The following ASNSD1 variants were observed in gnomAD, a reference collection of about 807,000 sequenced individuals.
ASNSD1 encodes asparagine synthetase domain containing 1.
A neutral mutation model predicts 48.3 loss-of-function variants in ASNSD1; 36 were observed. The observed-to-expected ratio is 0.75, with a 90% confidence interval of 0.57 to 0.99. ASNSD1 has a LOEUF of 0.99. Among genes scored for constraint, ASNSD1 ranks in the 50% least tolerant of loss-of-function variants. The pLI, the probability that ASNSD1 is intolerant of heterozygous loss-of-function variation, is 0.00. For synonymous variants in ASNSD1, 257 were observed against 262.1 expected, an observed-to-expected ratio of 0.98 and a Z score of 0.19; for missense variants, 714 against 758.2, an observed-to-expected ratio of 0.94 and a Z score of 0.69.
At chr2:189,668,030 T>G in intron 5 of ASNSD1, 85 bp downstream of exon 5, 1 of 1,292,326 alleles carries the variant, frequency 7.7e-7, no homozygotes, top group Non-Finnish European at 1.1e-6. Context: ...TGTTTTCTCT[T>G]TGGAGACTGT....
chr2:189,665,644 A>ATATATATATATATATATG (rs1455945789), intron 3 of ASNSD1, among the ~76,000 whole-genome samples, 193 bp downstream of exon 3: 7 of 123,748 alleles, frequency 5.7e-5, no homozygotes, highest in Admixed American at 2.4e-4. Flanking sequence ...ATATATATAT[A>ATATATATATATATATATG]TATTATAAAT....
Position 189,667,260 on chromosome 2 carries a change from TA to T in ASNSD1, c.1131del (p.Lys377AsnfsTer37), listed in dbSNP as rs1247942676. On this transcript the variant is annotated frameshift_variant, in exon 4 of 6. Coordinates refer to ENST00000260952, the MANE Select transcript of ASNSD1 (RefSeq NM_019048.4). LOFTEE classifies it high-confidence loss of function. ...ACAGAGAAGGGAATAAACAGAAAAA[TA>T]AATGTGAAATACCTTCAGAAGAATT... Reference protein sequence around the residue: ...FNREGNKQKNKCEIPSEEFSK... With the variant: ...FNREGNKQKNXCEIPSEEFSK... The T allele has an allele frequency of 1.2e-6, 2 of 1,613,662 alleles. No individual in the cohort carries two copies. Among genetic ancestry groups the T allele is most frequent in the Non-Finnish European group, 1.7e-6 (2 of 1,179,952 alleles).
chr2:189,661,658 C>T, intron 1 of ASNSD1, 48 bp downstream of exon 1: 1 of 399,282 alleles, frequency 2.5e-6, no homozygotes. Flanking sequence ...GGACCGGGCG[C>T]CACTGGACCC....
intron 5 of ASNSD1, among the ~76,000 whole-genome samples, chr2:189,669,879 T>G (rs2032891694): frequency 6.6e-6 from 1 of 152,198 alleles, no homozygotes; most frequent in African/African-American, 2.4e-5. Flanking sequence ...ATTAAACAAT[T>G]TTGAGTAACA....
intron 2 of ASNSD1, among the ~76,000 whole-genome samples, chr2:189,664,329 A>G (rs1278225360): frequency 6.6e-6 from 1 of 152,234 alleles, no homozygotes; most frequent in African/African-American, 2.4e-5. Flanking sequence ...ATAATTATTG[A>G]ACAAAAAAGG....
intron 2 of ASNSD1, among the ~76,000 whole-genome samples, chr2:189,664,227 A>G (rs1574277013): frequency 1.3e-5 from 2 of 152,196 alleles, no homozygotes; most frequent in African/African-American, 2.4e-5. Flanking sequence ...ATAATCACTA[A>G]TGATGTTTTA....
rs781141260 is a variant in ASNSD1 at position 189,666,652 on chromosome 2, C to G, written c.520C>G (p.Pro174Ala). 2.1e-5 allele frequency: 34 copies of G among 1,613,996 alleles called. No individual in the cohort carries two copies. In the South Asian group the frequency reaches 3.4e-4, roughly 16 times the overall value. The change falls in exon 4 of 6, where the codon CCA becomes GCA. Residue 174 changes from proline (P) to alanine (A), a missense_variant. Pro to Ala is a conservative substitution (Grantham distance 27). Coordinates refer to ENST00000260952, the MANE Select transcript of ASNSD1 (RefSeq NM_019048.4). ...ATTGGCAAATCAGTGGCAAGAAGTT[C>G]CAGCATCTGGACTTTTCAGAATTGA... is the stretch of plus-strand genomic sequence containing the variant. ...SGLANQWQEV[P>A]ASGLFRIDLK...
chr2:189,665,594 A>ATG (rs200000623), intron 3 of ASNSD1, 143 bp downstream of exon 3: 3 of 20,452 alleles, frequency 1.5e-4, no homozygotes, highest in African/African-American at 3.9e-4. Flanking sequence ...TTATATATAT[A>ATG]TGTGTATATA....
In ASNSD1 at chr2:189,665,372, C is replaced by T. The variant is rs2032760954; in HGVS notation, c.-168-4C>T. The T allele has an allele frequency of 2.5e-6, 1 of 396,520 alleles. No individual in the cohort carries two copies. The highest frequency in any genetic ancestry group is 3.6e-5 in the East Asian group (1 of 27,904). 24.6% of individuals were successfully genotyped at this position (396,520 alleles called of 1,614,324 possible). A position where few individuals can be genotyped will look rare whatever the true frequency, so the allele number is the denominator to read the frequency against. ...TTGATATTAGCCTAAATTATGTTTT[C>T]CAGAAAGTATATAGGCAACAACAGA... On this transcript the variant is annotated splice_polypyrimidine_tract_variant and splice_region_variant and intron_variant, in intron 2 of 5. Transcript: ENST00000260952.
In ASNSD1 at chr2:189,667,609, G is replaced by T. The variant is rs371878458; in HGVS notation, c.1464+13G>T. ...GAGCAATGCAAAGGTATGACACAGTGTTTCTTCTCCTGAGAATTCCTGAGA... is the reference window on the plus strand; with the variant it reads ...GAGCAATGCAAAGGTATGACACAGTTTTTCTTCTCCTGAGAATTCCTGAGA... On this transcript the variant is annotated intron_variant, in intron 4 of 5. Coordinates refer to ENST00000260952, the MANE Select transcript of ASNSD1 (RefSeq NM_019048.4). 2.5e-6 allele frequency: 4 copies of T among 1,573,532 alleles called. No homozygotes were observed. In the African/African-American group the frequency reaches 5.5e-5, roughly 22 times the overall value.
Position 189,666,311 on chromosome 2 carries a change from T to C in ASNSD1, c.179T>C (p.Leu60Ser). ...SAHVLHLRGVLTTQPVEDERG... is the reference protein window; with the variant it reads ...SAHVLHLRGVSTTQPVEDERG... ...CACGTCCTACACTTGAGGGGTGTTT[T>C]GACTACCCAGCCTGTGGAAGATGAA... Residue 60 changes from leucine (L) to serine (S), a missense_variant, in exon 4 of 6, where the codon TTG (leucine) becomes TCG (serine). Physicochemically the swap from Leu to Ser is moderately radical, Grantham distance 145 (BLOSUM62 -2). Transcript: ENST00000260952. 1 of 1,614,010 alleles carries C rather than the reference T, an allele frequency of 6.2e-7. No individual in the cohort carries two copies. Among genetic ancestry groups the C allele is most frequent in the Non-Finnish European group, 8.5e-7 (1 of 1,179,940 alleles).
At chr2:189,662,841 C>T (rs1258984865) in intron 1 of ASNSD1, among the ~76,000 whole-genome samples, 1 of 150,444 alleles carries the variant, frequency 6.6e-6, no homozygotes. Flanking sequence ...CCCAGCTACT[C>T]GGAGGCTAAG....
Position 189,670,520 on chromosome 2 carries a change from C to T in ASNSD1, c.1726C>T (p.Arg576Ter), listed in dbSNP as rs201596162. Residue 576 changes from arginine (R) to a stop codon, truncating the protein, a stop_gained, in exon 6 of 6, where the codon CGA (arginine) becomes TGA (stop). Coordinates refer to ENST00000260952, the MANE Select transcript of ASNSD1 (RefSeq NM_019048.4). LOFTEE classifies it high-confidence loss of function. Reference sequence around the variant, plus strand: ...GGAAAAAGCAAACTTGACTTTACCCCGAGGAATTGGTGAAAAATTACTTTT... The same window carrying T: ...GGAAAAAGCAAACTTGACTTTACCCTGAGGAATTGGTGAAAAATTACTTTT... ...IWEKANLTLP[R>*]GIGEKLLLRL... 56 of 1,613,744 alleles carry T rather than the reference C, an allele frequency of 3.5e-5. No homozygotes were observed. Among genetic ancestry groups the T allele is most frequent in the Non-Finnish European group, 4.4e-5 (52 of 1,179,868 alleles).
chr2:189,662,555 C>A (rs112714829), intron 1 of ASNSD1, among the ~76,000 whole-genome samples: 1 of 152,098 alleles, frequency 6.6e-6, no homozygotes, highest in Admixed American at 6.5e-5. Context: ...GGTGCACATT[C>A]ATGGGGATTG....
chr2:189,665,079 A>G (rs1475891181), intron 2 of ASNSD1, among the ~76,000 whole-genome samples: 2 of 152,228 alleles, frequency 1.3e-5, no homozygotes, highest in African/African-American at 4.8e-5. Context: ...TTCTTGTAAA[A>G]GAACACTTAC....
rs765347434 is a variant in ASNSD1 at position 189,667,077 on chromosome 2, G to C, written c.945G>C (p.Thr315=). The C allele has an allele frequency of 6.2e-7, 1 of 1,614,124 alleles. No homozygotes were observed. The highest frequency in any genetic ancestry group is 8.5e-7 in the Non-Finnish European group (1 of 1,180,002). The change falls in exon 4 of 6, where the codon ACG becomes ACC. Residue 315 remains threonine, a synonymous_variant. Transcript: ENST00000260952. Reference sequence around the variant, plus strand: ...TGACAGCAAATGAAGTTTTGAAAACGTGTGATAGGAAAGCAAATGTTGCAA... The same window carrying C: ...TGACAGCAAATGAAGTTTTGAAAACCTGTGATAGGAAAGCAAATGTTGCAA... ...ENLTANEVLK[T]CDRKANVAIL...
intron 1 of ASNSD1, among the ~76,000 whole-genome samples, chr2:189,662,948 C>CAAA (rs67898532): frequency 9.1e-5 from 7 of 76,990 alleles, no homozygotes; most frequent in African/African-American, 2.5e-4. Flanking sequence ...GACCCTGTTT[C>CAAA]AAAAAAAAAA....
Position 189,661,481 on chromosome 2 carries a change from T to A in ASNSD1, c.-352T>A. On this transcript the variant is annotated 5_prime_UTR_variant, in exon 1 of 6. Transcript: ENST00000260952. ...GCTGTGGCTAATGCCGTAGGCTCCT[T>A]CAGGGCTGAGCCATCCCGCGTGTCT... is the stretch of plus-strand genomic sequence containing the variant. The A allele has an allele frequency of 2.5e-6, 1 of 399,146 alleles. No individual in the cohort carries two copies. Among genetic ancestry groups the A allele is most frequent in the African/African-American group, 2.1e-5 (1 of 48,748 alleles). The allele number at this position is 399,146 out of a possible 1,614,324, so 24.7% of individuals were successfully genotyped here.
Position 189,667,429 on chromosome 2 carries a change from T to C in ASNSD1, c.1297T>C (p.Ser433Pro). The C allele has an allele frequency of 6.2e-7, 1 of 1,614,182 alleles. No individual in the cohort carries two copies. The highest frequency in any genetic ancestry group is 8.5e-7 in the Non-Finnish European group (1 of 1,180,028). ...RIWNFVEINV[S>P]MEELQKLRRT... ...TTGGAATTTTGTTGAAATTAATGTT[T>C]CTATGGAAGAACTGCAGAAATTAAG... Residue 433 changes from serine (S) to proline (P), a missense_variant, in exon 4 of 6, where the codon TCT becomes CCT. Transcript: ENST00000260952.
Sources: allele counts gnomAD v4.1 joint callset (sites outside exome capture counted in the v4.1 genomes callset), GRCh38; gene constraint gnomAD v4.1.1; transcripts MANE v1.5; gene names NCBI Gene and HGNC (gene_info 2026-07-23, HGNC 2026-07-21).